The following PREX1 variants were observed in gnomAD, a reference collection of about 807,000 sequenced individuals.
PREX1 encodes phosphatidylinositol-3,4,5-trisphosphate dependent Rac exchange factor 1.
A neutral mutation model predicts 198.3 loss-of-function variants in PREX1; 41 were observed. The ratio of observed to expected loss-of-function variants is 0.21; its 90% CI spans 0.16 to 0.27. The LOEUF is 0.27. Ranked by LOEUF, PREX1 falls within the 10% of genes least tolerant of loss-of-function variation. The pLI is 1.00. For missense variants in PREX1, 1,620 were observed against 2,200.7 expected, an observed-to-expected ratio of 0.74 and a Z score of 5.28; for synonymous variants, 843 against 887.2, an observed-to-expected ratio of 0.95 and a Z score of 0.89.
intron 15 of PREX1, among the ~76,000 whole-genome samples, chr20:48,664,876 T>TCCAGACGGCCTGAATTCTAATCCCGGC (rs1419949599): frequency 0.027 from 2,519 of 93,128 alleles, 156 homozygotes; most frequent in Middle Eastern, 0.066. Flanking sequence ...TAATCCCGGC[T>TCCAGACGGCCTGAATTCTAATCCCGGC]CCAGACGGCC....
At chr20:48,849,741 A>G in the PREX1 span, among the ~76,000 whole-genome samples, 7 of 152,242 alleles carry the variant, frequency 4.6e-5, no homozygotes, top group Non-Finnish European at 8.8e-5. Flanking sequence ...AGGTTTTAGT[A>G]AAATCAGCCA....
At chr20:48,703,641 T>TCTGGTAC (rs1366956764) in intron 6 of PREX1, among the ~76,000 whole-genome samples, 2 of 151,892 alleles carry the variant, frequency 1.3e-5, no homozygotes, top group Non-Finnish European at 2.9e-5. Context: ...TGAAGAAGAA[T>TCTGGTAC]CTGGTACCTG....
intron 5 of PREX1, among the ~76,000 whole-genome samples, chr20:48,718,138 T>G (rs1212515616): frequency 6.6e-6 from 1 of 152,234 alleles, no homozygotes; most frequent in Non-Finnish European, 1.5e-5. Context: ...TATCTGTGTT[T>G]GTGACCCTAG....
chr20:48,688,515 T>C (rs2089798321), intron 10 of PREX1, 142 bp downstream of exon 10: 1 of 1,065,858 alleles, frequency 9.4e-7, no homozygotes, highest in East Asian at 2.4e-5. Context: ...TGAGGGCTGC[T>C]CCATAAGGAT....
In PREX1 at chr20:48,690,857, C is replaced by T. The variant is rs551488508; in HGVS notation, c.1186+90G>A. 118 of 1,561,032 alleles carry T rather than the reference C, an allele frequency of 7.6e-5. No homozygotes were observed. In the Middle Eastern group the frequency reaches 1.8e-3, roughly 24 times the overall value. ...AGCTCTGATCCTCCTGAAAAGGACC[C>T]TATGCCCCTTCCCTAGACACAGCCC... On this transcript the variant is annotated intron_variant, in intron 9 of 39. Coordinates refer to ENST00000371941, the MANE Select transcript of PREX1 (RefSeq NM_020820.4).
At position 48,666,275 on chromosome 20, in the gene PREX1, G is replaced by A; in HGVS notation, c.1738+8C>T. The stretch of plus-strand genomic sequence containing the variant: ...CCCGGGGGCTGGGCTGCAGGTGGGG[G>A]TGGTTACCGTGGTGCATGAAGCCAT... On this transcript the variant is annotated splice_region_variant and intron_variant, in intron 15 of 39. Coordinates refer to ENST00000371941, the MANE Select transcript of PREX1 (RefSeq NM_020820.4). The surrounding 1 kb of genome is among the most constrained non-coding windows in gnomAD (Gnocchi z 4.3). The A allele has an allele frequency of 6.4e-7, 1 of 1,559,344 alleles. No homozygotes were observed. The highest frequency in any genetic ancestry group is 8.7e-7 in the Non-Finnish European group (1 of 1,152,160).
chr20:48,797,053 A>G (rs1160536117), intron 1 of PREX1, among the ~76,000 whole-genome samples: 1 of 151,988 alleles, frequency 6.6e-6, no homozygotes, highest in Non-Finnish European at 1.5e-5. Flanking sequence ...TACTTGGTGT[A>G]TTGTACATTT....
intron 26 of PREX1, among the ~76,000 whole-genome samples, 171 bp from the exon 27 acceptor site, chr20:48,644,668 C>A (rs560092893): frequency 4.6e-4 from 70 of 152,372 alleles, no homozygotes; most frequent in African/African-American, 1.5e-3. Context: ...CAGGGAAGGC[C>A]GGCCTGGTGG....
At chr20:48,799,812 G>A (rs2090378741) in intron 1 of PREX1, among the ~76,000 whole-genome samples, 1 of 152,216 alleles carries the variant, frequency 6.6e-6, no homozygotes, top group African/African-American at 2.4e-5. Context: ...TGAGGGGGCA[G>A]GGGCTGCGGG....
In PREX1 at chr20:48,709,597, C is replaced by T. The variant is rs974373700; in HGVS notation, c.622-1176G>A. Among the ~76,000 whole-genome samples the T allele has an allele frequency of 4.6e-5, 7 of 152,172 alleles. No homozygotes were observed. In the East Asian group the frequency reaches 7.7e-4, roughly 17 times the overall value. On this transcript the variant is annotated intron_variant, in intron 5 of 39. Coordinates refer to ENST00000371941, the MANE Select transcript of PREX1 (RefSeq NM_020820.4). ...GTTATTAGACCATTTAACAGATGGG[C>T]GGACTGAGGCACAGCAAGAAAGCCT...
the PREX1 span, among the ~76,000 whole-genome samples, chr20:48,862,790 A>AAAAAAAATATAT: frequency 2.0e-5 from 2 of 102,538 alleles, no homozygotes; most frequent in African/African-American, 8.7e-5. Context: ...TAAAAAAAAA[A>AAAAAAAATATAT]ATATATATAT....
chr20:48,825,935 C>T (rs1328597165), intron 1 of PREX1, among the ~76,000 whole-genome samples: 1 of 143,986 alleles, frequency 6.9e-6, no homozygotes, highest in Admixed American at 7.4e-5. Context: ...TACAGGCCTT[C>T]CTAGAAGGGT....
chr20:48,837,227 T>C, the PREX1 span, among the ~76,000 whole-genome samples: 1 of 152,020 alleles, frequency 6.6e-6, no homozygotes, highest in Non-Finnish European at 1.5e-5. Flanking sequence ...CTGGTGGGAG[T>C]GTAAATTAGT....
intron 13 of PREX1, among the ~76,000 whole-genome samples, chr20:48,679,107 A>G (rs2089729139): frequency 6.6e-6 from 1 of 152,210 alleles, no homozygotes; most frequent in Non-Finnish European, 1.5e-5. Flanking sequence ...CCAAGGTCAC[A>G]CAGCTGCTAA....
chr20:48,844,861 T>C, the PREX1 span, among the ~76,000 whole-genome samples: 2 of 152,228 alleles, frequency 1.3e-5, no homozygotes, highest in African/African-American at 4.8e-5. Flanking sequence ...ACTGCTTGTA[T>C]GGTAAAACTT....
chr20:48,703,512 T>C (rs897164530), intron 6 of PREX1, among the ~76,000 whole-genome samples: 5 of 152,198 alleles, frequency 3.3e-5, no homozygotes, highest in African/African-American at 7.2e-5. Context: ...TCATGGCCCA[T>C]GCGCAGCACA....
chr20:48,704,621 T>C (rs2089893679), intron 6 of PREX1, among the ~76,000 whole-genome samples: 1 of 151,908 alleles, frequency 6.6e-6, no homozygotes, highest in Non-Finnish European at 1.5e-5. Context: ...TGCAGTGGTG[T>C]GATCTCAGCT....
At position 48,632,319 on chromosome 20, in the gene PREX1, G is replaced by A. The variant is rs777253458; in HGVS notation, c.4484C>T (p.Ala1495Val). Residue 1495 changes from alanine to valine, a missense_variant, in exon 35 of 40, where the codon GCG (alanine) becomes GTG (valine). Around this residue, in one of 7 missense-constraint regions of PREX1, gnomAD observed 476 missense variants for 603.4 expected, o/e 0.79. Coordinates refer to ENST00000371941, the MANE Select transcript of PREX1 (RefSeq NM_020820.4). The stretch of plus-strand genomic sequence containing the variant: ...CTGCTGAACTTTCTCCAGGGACTGC[G>A]CGTTGATGTCCTGCTGCAAATCCTC... Reference protein sequence around the residue: ...AAEDLQQDINAQSLEKVQQYY... With the variant: ...AAEDLQQDINVQSLEKVQQYY... 10 of 1,614,120 alleles carry A rather than the reference G, an allele frequency of 6.2e-6. No homozygotes were observed. The East Asian group carries it at 1.1e-4, about 18-fold the overall frequency.
Position 48,827,245 on chromosome 20 carries a change from A to C in PREX1, c.219+397T>G, listed in dbSNP as rs1173384497. On this transcript the variant is annotated intron_variant, in intron 1 of 39. Transcript: ENST00000371941. The surrounding 1 kb of genome is among the most constrained non-coding windows in gnomAD (Gnocchi z 4.1). ...GGGCTCCTACGGTATGTCCTAGATG[A>C]GTGGTGCACCGGGCGCGTAGTTATT... Among the ~76,000 whole-genome samples the C allele has an allele frequency of 6.6e-6, 1 of 152,224 alleles. No homozygotes were observed. The highest frequency in any genetic ancestry group is 1.5e-5 in the Non-Finnish European group (1 of 68,028).
Sources: gnomAD v4.1 joint callset for allele counts (sites outside exome capture counted in the v4.1 genomes callset) on GRCh38, gnomAD v4.1.1 for gene constraint, gnomAD v4.1.1 regional missense constraint, Gnocchi (gnomAD v3.1) non-coding constraint, MANE v1.5 for transcripts, NCBI Gene and HGNC (gene_info 2026-07-23, HGNC 2026-07-21) for gene names.